Variants in RP1 observed in about 807,000 individuals in gnomAD.
RP1 encodes the protein oxygen-regulated protein 1.
RP1 carries 16 observed loss-of-function variants against 14.8 expected under a neutral mutation model. The observed-to-expected ratio is 1.08, with a 90% CI of 0.73 to 1.65. The LOEUF is 1.65. Among genes scored for constraint, RP1 ranks in the 40% most tolerant of loss-of-function variants. The pLI is 0.00. For missense variants in RP1, 2,631 were observed against 2,535.0 expected (o/e 1.04, Z -0.81); for synonymous variants, 876 against 883.6 (o/e 0.99, Z 0.15).
At chr8:54,592,144 A>G (rs183213472) in intron 1 of RP1, among the ~76,000 whole-genome samples, 74 of 152,332 alleles carry the variant, frequency 4.9e-4, no homozygotes, top group Non-Finnish European at 1.5e-4. Context: ...GGATTCTTAC[A>G]ATTTGAATCC....
At position 54,789,619 on chromosome 8, in the gene RP1, C is replaced by T. The variant is rs1049610601; in HGVS notation, c.3615+5909C>T. ...CCTTTCAGCTGTGAAGTTTAGCTTA[C>T]AGCCCCACCTGACAATAAAACCCAG... On this transcript the variant is annotated intron_variant, in intron 24 of 28. Transcript: ENST00000637698. Among the ~76,000 whole-genome samples, 13 of 152,190 alleles carry T rather than the reference C, an allele frequency of 8.5e-5. No individual in the cohort carries two copies. In the South Asian group the frequency reaches 2.7e-3, roughly 32 times the overall value.
At chr8:54,725,479 G>A (rs1808631639) in intron 16 of RP1, among the ~76,000 whole-genome samples, 1 of 152,170 alleles carries the variant, frequency 6.6e-6, no homozygotes, top group Non-Finnish European at 1.5e-5. Context: ...TCAGCCACCA[G>A]TATTGTATAG....
chr8:54,739,149 G>A, intron 19 of RP1: 1 of 546,694 alleles, frequency 1.8e-6, no homozygotes, highest in Admixed American at 3.5e-5. Flanking sequence ...ACTTACAGTG[G>A]GGTTATGCCT....
chr8:54,809,114 A>G (rs1341081900), intron 24 of RP1, among the ~76,000 whole-genome samples: 1 of 152,160 alleles, frequency 6.6e-6, no homozygotes, highest in Non-Finnish European at 1.5e-5. Context: ...TCCTGTCTTT[A>G]TATACTCTGG....
At chr8:54,806,724 T>A (rs1457025949) in intron 24 of RP1, among the ~76,000 whole-genome samples, 2 of 152,228 alleles carry the variant, frequency 1.3e-5, no homozygotes, top group African/African-American at 4.8e-5. Context: ...GAATGGCTCA[T>A]ATATTTGCCT....
chr8:54,781,739 AT>A (rs1212696438), intron 23 of RP1, among the ~76,000 whole-genome samples: 4 of 152,024 alleles, frequency 2.6e-5, no homozygotes, highest in Non-Finnish European at 4.4e-5. Context: ...TATAAAATTT[AT>A]TTTTTTTCCA....
intron 26 of RP1, chr8:54,857,008 T>C (rs1812218781): frequency 2.2e-6 from 2 of 917,556 alleles, no homozygotes; most frequent in Non-Finnish European, 2.8e-6. Context: ...GGTCACTGAG[T>C]TTATTTCTTT....
intron 3 of RP1, among the ~76,000 whole-genome samples, chr8:54,640,223 T>C (rs963820115): frequency 7.9e-5 from 12 of 152,294 alleles, no homozygotes; most frequent in African/African-American, 2.9e-4. Context: ...CCTTTCTTCA[T>C]TGAATACTTT....
At chr8:54,845,292 A>G (rs1454697412) in intron 25 of RP1, among the ~76,000 whole-genome samples, 2 of 152,184 alleles carry the variant, frequency 1.3e-5, no homozygotes, top group South Asian at 2.1e-4. Flanking sequence ...CCTTCTTTAG[A>G]TGATTCATAC....
chr8:54,680,733 C>T (rs200935392), intron 12 of RP1, among the ~76,000 whole-genome samples: 2 of 151,924 alleles, frequency 1.3e-5, no homozygotes, highest in Non-Finnish European at 1.5e-5. Flanking sequence ...CCGAGGTGGG[C>T]GGATCATGAG....
intron 14 of RP1, among the ~76,000 whole-genome samples, chr8:54,703,343 T>C (rs1020046710): frequency 6.6e-6 from 1 of 152,214 alleles, no homozygotes; most frequent in Non-Finnish European, 1.5e-5. Flanking sequence ...ATTAATCTCC[T>C]TGTACGTGTC....
intron 3 of RP1, among the ~76,000 whole-genome samples, chr8:54,639,039 C>A (rs1335543821): frequency 6.6e-6 from 1 of 152,086 alleles, no homozygotes; most frequent in Non-Finnish European, 1.5e-5. Context: ...GATAATGGAA[C>A]ATTTCCATCA....
chr8:54,655,982 A>G (rs1806746561), intron 5 of RP1: 1 of 755,848 alleles, frequency 1.3e-6, no homozygotes, highest in African/African-American at 1.8e-5. Context: ...CTCATATTAA[A>G]AATAATTCTC....
chr8:54,683,737 T>G (rs1427442042), intron 12 of RP1, among the ~76,000 whole-genome samples: 1 of 152,212 alleles, frequency 6.6e-6, no homozygotes, highest in Non-Finnish European at 1.5e-5. Context: ...GATTATGTCA[T>G]CTGCAAACAA....
chr8:54,778,850 G>T (rs1226314257), intron 23 of RP1, among the ~76,000 whole-genome samples: 1 of 151,970 alleles, frequency 6.6e-6, no homozygotes, highest in African/African-American at 2.4e-5. Context: ...ATGGGCAGTG[G>T]GCATCAATAT....
At chr8:54,680,547 C>G (rs1181444042) in intron 12 of RP1, among the ~76,000 whole-genome samples, 3 of 152,150 alleles carry the variant, frequency 2.0e-5, no homozygotes, top group Non-Finnish European at 4.4e-5. Context: ...TGCTGGAAAC[C>G]GTGCTGTTCA....
chr8:54,633,737 C>CTCTCTA (rs1236298691), downstream of RP1, among the ~76,000 whole-genome samples: 3,185 of 118,642 alleles, frequency 0.027, 50 homozygotes, highest in Middle Eastern at 0.036. Flanking sequence ...CTCTCTCTCT[C>CTCTCTA]TATATATATA....
chr8:54,624,591 T>C, intron 3 of RP1, 79 bp from the exon 4 acceptor site: 2 of 1,424,942 alleles, frequency 1.4e-6, no homozygotes, highest in Non-Finnish European at 2.0e-6. Flanking sequence ...TGCTGCCTCT[T>C]CCTTTGGATA....
intron 3 of RP1, 66 bp downstream of exon 3, chr8:54,622,354 C>A: frequency 2.1e-6 from 3 of 1,402,434 alleles, no homozygotes; most frequent in Non-Finnish European, 3.0e-6. Flanking sequence ...TCAAGGACGG[C>A]AAAATCCATG....
Sources: gnomAD v4.1 joint callset for allele counts (sites outside exome capture counted in the v4.1 genomes callset) on GRCh38, gnomAD v4.1.1 for gene constraint, MANE v1.5 for transcripts, NCBI Gene and HGNC (gene_info 2026-07-23, HGNC 2026-07-21) for gene names.